Variants in NCAM1 observed in about 807,000 individuals in gnomAD.
NCAM1 encodes the protein neural cell adhesion molecule 1.
A neutral mutation model predicts 109.8 loss-of-function variants in NCAM1; 14 were observed. That is an observed-to-expected ratio of 0.13 (90% CI 0.08 to 0.20). The LOEUF (loss-of-function observed/expected upper bound fraction) is 0.20, where lower values mean the gene tolerates loss of function less well. Ranked by LOEUF, NCAM1 falls within the 10% of genes least tolerant of loss-of-function variation. The pLI is 1.00. For synonymous variants in NCAM1, 418 were observed against 442.9 expected (o/e 0.94, Z 0.70); for missense variants, 774 against 1,109.9 (o/e 0.70, Z 4.30).
intron 1 of NCAM1, among the ~76,000 whole-genome samples, chr11:112,964,512 A>G (rs1950679624): frequency 6.6e-6 from 1 of 152,248 alleles, no homozygotes; most frequent in African/African-American, 2.4e-5. Flanking sequence ...GTTTCTAACA[A>G]GATACCATCG....
chr11:113,135,348 C>A (rs948246), intron 1 of NCAM1, among the ~76,000 whole-genome samples: 8,742 of 152,112 alleles, frequency 0.057, 490 homozygotes, highest in African/African-American at 0.14. Flanking sequence ...GTAATATTAG[C>A]AGATTTGAGA....
rs554307269 is a variant in NCAM1 at position 113,274,594 on chromosome 11, G to C, written c.2457-673G>C. 6.6e-6 allele frequency among the ~76,000 whole-genome samples: 1 copy of C among 152,148 alleles called. No homozygotes were observed. Among genetic ancestry groups the C allele is most frequent in the African/African-American group, 2.4e-5 (1 of 41,436 alleles). ...GCCAGGAGCCCTGAATCTCAGCATC[G>C]GGAGGGAAAAGGACTCTGATAGCCC... On this transcript the variant is annotated intron_variant, in intron 19 of 19. Coordinates refer to ENST00000316851, the MANE Select transcript of NCAM1 (RefSeq NM_181351.5). The surrounding 1 kb of genome is among the most constrained non-coding windows in gnomAD (Gnocchi z 4.1).
At chr11:113,132,188 G>T (rs1337805040) in intron 1 of NCAM1, among the ~76,000 whole-genome samples, 2 of 152,158 alleles carry the variant, frequency 1.3e-5, no homozygotes, top group African/African-American at 2.4e-5. Flanking sequence ...CTTGCTCTTG[G>T]CCAGGGGTCA....
At chr11:113,184,789 T>C (rs1247323707) in intron 1 of NCAM1, among the ~76,000 whole-genome samples, 1 of 152,018 alleles carries the variant, frequency 6.6e-6, no homozygotes, top group Non-Finnish European at 1.5e-5. Context: ...CTTCCACTTG[T>C]GGTGTGTGAG....
intron 16 of NCAM1, among the ~76,000 whole-genome samples, chr11:113,257,576 TTGTC>T (rs1468938583): frequency 6.6e-6 from 1 of 152,212 alleles, no homozygotes; most frequent in Non-Finnish European, 1.5e-5. Flanking sequence ...GGATGTCAGT[TTGTC>T]TGAGGAGCCA....
intron 1 of NCAM1, among the ~76,000 whole-genome samples, chr11:113,182,007 C>T (rs1312543030): frequency 6.6e-6 from 1 of 152,152 alleles, no homozygotes; most frequent in African/African-American, 2.4e-5. Context: ...AGAAGAAAAA[C>T]ACAAATCAAT....
chr11:113,117,072 A>G (rs1242439251), intron 1 of NCAM1, among the ~76,000 whole-genome samples: 2 of 151,906 alleles, frequency 1.3e-5, no homozygotes, highest in African/African-American at 4.9e-5. Flanking sequence ...TTGGCCTTCA[A>G]TATTTCATGT....
At chr11:113,251,643 A>T (rs1458883777) in intron 15 of NCAM1, among the ~76,000 whole-genome samples, 1 of 152,174 alleles carries the variant, frequency 6.6e-6, no homozygotes, top group Non-Finnish European at 1.5e-5. Context: ...CATTTGACTC[A>T]TGGCTAAAGC....
chr11:113,013,647 C>A (rs999280652), intron 1 of NCAM1, among the ~76,000 whole-genome samples: 2 of 152,036 alleles, frequency 1.3e-5, no homozygotes, highest in Non-Finnish European at 2.9e-5. Context: ...ATGGCTTAAA[C>A]AGGTTTGACT....
intron 15 of NCAM1, among the ~76,000 whole-genome samples, chr11:113,250,684 A>G (rs1945650384): frequency 6.6e-6 from 1 of 152,266 alleles, no homozygotes; most frequent in Non-Finnish European, 1.5e-5. Context: ...AAAAGATTGT[A>G]ATGCAAGCCC....
chr11:113,079,205 G>A (rs541948555), intron 1 of NCAM1, among the ~76,000 whole-genome samples: 18 of 152,352 alleles, frequency 1.2e-4, no homozygotes, highest in Admixed American at 6.5e-5. Context: ...TAGTGTTGAT[G>A]TGTTAAGCAT....
chr11:113,244,535 C>T (rs1050936567), intron 14 of NCAM1, among the ~76,000 whole-genome samples: 2 of 152,150 alleles, frequency 1.3e-5, no homozygotes, highest in Admixed American at 1.3e-4. Flanking sequence ...AAATGTGGCA[C>T]ATGTGAATTG....
intron 1 of NCAM1, among the ~76,000 whole-genome samples, chr11:113,092,946 A>T (rs544481513): frequency 6.6e-6 from 1 of 152,318 alleles, no homozygotes; most frequent in South Asian, 2.1e-4. Flanking sequence ...GAAAATACTA[A>T]ATGCTAAAAG....
In NCAM1 at chr11:113,125,801, G is replaced by A. The variant is rs146544041; in HGVS notation, c.53-76578G>A. Reference sequence around the variant, plus strand: ...TGGCTTTTGTCCCACATTGCAAAGTGTGATCCTAAATCTTTGAGTCTTTCC... The same window carrying A: ...TGGCTTTTGTCCCACATTGCAAAGTATGATCCTAAATCTTTGAGTCTTTCC... On this transcript the variant is annotated intron_variant, in intron 1 of 19. Coordinates refer to ENST00000316851, the MANE Select transcript of NCAM1 (RefSeq NM_181351.5). Among the ~76,000 whole-genome samples the A allele has an allele frequency of 9.6e-3, 1,461 of 152,256 alleles. 8 individuals are homozygous for A. The highest frequency in any genetic ancestry group is 0.017 in the Non-Finnish European group (1,137 of 68,016).
At chr11:113,136,562 T>G (rs1941606833) in intron 1 of NCAM1, among the ~76,000 whole-genome samples, 1 of 152,194 alleles carries the variant, frequency 6.6e-6, no homozygotes, top group Non-Finnish European at 1.5e-5. Flanking sequence ...GTGAAGCGTG[T>G]CTGAGCACCA....
At chr11:113,126,765 A>G (rs1011164666) in intron 1 of NCAM1, among the ~76,000 whole-genome samples, 2 of 152,218 alleles carry the variant, frequency 1.3e-5, no homozygotes, top group South Asian at 2.1e-4. Context: ...TGCAAACACA[A>G]TGCAAATTTG....
intron 14 of NCAM1, among the ~76,000 whole-genome samples, chr11:113,245,285 T>C (rs1237867454): frequency 4.6e-5 from 7 of 151,962 alleles, no homozygotes; most frequent in African/African-American, 1.7e-4. Context: ...CTACAAAAAA[T>C]AGAAAAATTA....
At chr11:113,076,796 A>T (rs1183216156) in intron 1 of NCAM1, among the ~76,000 whole-genome samples, 1 of 152,218 alleles carries the variant, frequency 6.6e-6, no homozygotes, top group African/African-American at 2.4e-5. Context: ...CTTTTGCTGC[A>T]TCATGTTCAG....
chr11:113,142,867 G>A lies in NCAM1; in HGVS notation c.53-59512G>A, dbSNP rs562963967. Reference sequence around the variant, plus strand: ...CAGTTTTTACTGTAAATTTTCAAACGAATTTTAAAAATCGAAAAAATAGTA... The same window carrying A: ...CAGTTTTTACTGTAAATTTTCAAACAAATTTTAAAAATCGAAAAAATAGTA... On this transcript the variant is annotated intron_variant, in intron 1 of 19. Transcript: ENST00000316851. Among the ~76,000 whole-genome samples, 52 of 152,148 alleles carry A rather than the reference G, an allele frequency of 3.4e-4. No individual in the cohort carries two copies. The South Asian group carries it at 1.0e-2, about 29-fold the overall frequency.
Sources: allele counts gnomAD v4.1 joint callset (sites outside exome capture counted in the v4.1 genomes callset), GRCh38; gene constraint gnomAD v4.1.1; non-coding constraint Gnocchi (gnomAD v3.1); transcripts MANE v1.5; gene names NCBI Gene and HGNC (gene_info 2026-07-23, HGNC 2026-07-21).